FRMD4B: variants seen among roughly 807,000 people sequenced by gnomAD.
The protein encoded by FRMD4B is FERM domain containing 4B, also known as FERM domain-containing protein 4B.
Under a neutral mutation model 141.5 loss-of-function variants are expected in FRMD4B, and 74 were observed. The ratio of observed to expected loss-of-function variants is 0.52; its 90% CI spans 0.43 to 0.63. The LOEUF is 0.63. Among genes scored for constraint, FRMD4B ranks in the 30% least tolerant of loss-of-function variants. The pLI is 0.00. For synonymous variants in FRMD4B, 506 were observed against 467.9 expected (o/e 1.08, Z -1.05); for missense variants, 1,366 against 1,253.4 (o/e 1.09, Z -1.36).
chr3:69,411,986 T>C (rs1704768766), intron 2 of FRMD4B, among the ~76,000 whole-genome samples: 1 of 152,250 alleles, frequency 6.6e-6, no homozygotes, highest in Non-Finnish European at 1.5e-5. Flanking sequence ...AGAAATTGCA[T>C]TTCTTTCTAG....
At chr3:69,228,570 C>T (rs140828076) in intron 7 of FRMD4B, 162 of 427,950 alleles carry the variant, frequency 3.8e-4, no homozygotes, top group African/African-American at 3.0e-3. Context: ...CATGGTGGCT[C>T]ATGCCTATAA....
At chr3:69,387,512 A>G (rs994943752), upstream of FRMD4B, among the ~76,000 whole-genome samples, 3 of 152,112 alleles carry the variant, frequency 2.0e-5, no homozygotes, top group Admixed American at 6.5e-5. Flanking sequence ...CTGTAAGTCA[A>G]TTGTCTGTAT....
intron 2 of FRMD4B, among the ~76,000 whole-genome samples, chr3:69,413,513 T>C (rs1414771541): frequency 1.3e-5 from 2 of 152,210 alleles, no homozygotes; most frequent in Admixed American, 6.5e-5. Context: ...TTTCCCACTA[T>C]AGTGCCTCTC....
Position 69,198,752 on chromosome 3 carries a change from TC to T in FRMD4B, c.898del (p.Glu300ArgfsTer49). The T allele has an allele frequency of 6.5e-7, 1 of 1,546,528 alleles. No individual in the cohort carries two copies. The highest frequency in any genetic ancestry group is 8.8e-7 in the Non-Finnish European group (1 of 1,131,980). On this transcript the variant is annotated frameshift_variant, in exon 12 of 23. Transcript: ENST00000398540. LOFTEE classifies it high-confidence loss of function. ...TTTTTTCTCACGGAAATATAAGTTCTCCAGCTGTTTCCATTGGAATAACTAA... is the reference window on the plus strand; with the variant it reads ...TTTTTTCTCACGGAAATATAAGTTCTCAGCTGTTTCCATTGGAATAACTAA... The part of the protein sequence containing the change: ...PRKLFQWKQL[E>X]NLYFREKKFA...
chr3:69,299,867 G>A (rs78193766), intron 4 of FRMD4B, among the ~76,000 whole-genome samples: 2,361 of 152,190 alleles, frequency 0.016, 67 homozygotes, highest in African/African-American at 0.053. Flanking sequence ...CCATGTTCCA[G>A]TGCATGCAGC....
At chr3:69,172,874 A>AT (rs141066920) in intron 22 of FRMD4B, among the ~76,000 whole-genome samples, 47 of 150,802 alleles carry the variant, frequency 3.1e-4, no homozygotes, top group Non-Finnish European at 4.3e-4. Flanking sequence ...AGTAAAGGTG[A>AT]TTTTTTTTTT....
At chr3:69,503,976 C>T (rs969064434) in intron 1 of FRMD4B, among the ~76,000 whole-genome samples, 2 of 151,920 alleles carry the variant, frequency 1.3e-5, no homozygotes, top group Admixed American at 1.3e-4. Context: ...ATGTTACATG[C>T]GATTATTGTC....
Position 69,464,369 on chromosome 3 carries a change from A to T in FRMD4B, c.-128-31608T>A, listed in dbSNP as rs77486591. 1.0e-2 allele frequency among the ~76,000 whole-genome samples: 1,517 copies of T among 152,280 alleles called. 127 individuals are homozygous for T. In the East Asian group the frequency reaches 0.2, roughly 20 times the overall value. On this transcript the variant is annotated intron_variant, in intron 1 of 5. Transcript: ENST00000459638. ...CTTGGCAAGTGAGTGCAGTAGGATA[A>T]CATAACATTATCAGCGCCCTTACCC...
At chr3:69,248,579 G>A (rs1334646717) in intron 7 of FRMD4B, among the ~76,000 whole-genome samples, 1 of 152,198 alleles carries the variant, frequency 6.6e-6, no homozygotes, top group Non-Finnish European at 1.5e-5. Context: ...GGCTTTCAAA[G>A]GGGTCATTGG....
At chr3:69,477,741 C>G (rs1706028398) in intron 1 of FRMD4B, among the ~76,000 whole-genome samples, 1 of 150,080 alleles carries the variant, frequency 6.7e-6, no homozygotes, top group Non-Finnish European at 1.5e-5. Flanking sequence ...GGAGGATTCC[C>G]TCTTTTTCTG....
At chr3:69,176,874 G>A (rs1424148923) in intron 21 of FRMD4B, among the ~76,000 whole-genome samples, 8 of 152,060 alleles carry the variant, frequency 5.3e-5, no homozygotes, top group African/African-American at 1.9e-4. Context: ...CATCTATAGA[G>A]TAGGGATAAT....
chr3:69,191,449 A>C (rs942268422), intron 17 of FRMD4B, among the ~76,000 whole-genome samples: 1 of 152,088 alleles, frequency 6.6e-6, no homozygotes, highest in African/African-American at 2.4e-5. Context: ...CAAACAAAAA[A>C]ACAAACGTAT....
At chr3:69,224,300 T>C (rs537223831) in intron 8 of FRMD4B, among the ~76,000 whole-genome samples, 25 of 152,338 alleles carry the variant, frequency 1.6e-4, no homozygotes, top group African/African-American at 5.8e-4. Context: ...ACACAGTGAC[T>C]GCACATATAT....
chr3:69,516,227 A>AAAT (rs142240953), intron 1 of FRMD4B, among the ~76,000 whole-genome samples: 4,579 of 152,036 alleles, frequency 0.03, 241 homozygotes, highest in African/African-American at 0.11. Flanking sequence ...CCTATCTCTA[A>AAAT]AATAATAATA....
At chr3:69,339,101 G>A (rs1702649972) in intron 1 of FRMD4B, among the ~76,000 whole-genome samples, 1 of 152,074 alleles carries the variant, frequency 6.6e-6, no homozygotes, top group Non-Finnish European at 1.5e-5. Flanking sequence ...ACTGTAACAT[G>A]TTTGCAAGCC....
intron 1 of FRMD4B, among the ~76,000 whole-genome samples, chr3:69,373,291 G>A (rs1559835710): frequency 6.6e-6 from 1 of 152,212 alleles, no homozygotes; most frequent in Non-Finnish European, 1.5e-5. Flanking sequence ...GAGACTAGGA[G>A]AGTGCTAGAA....
chr3:69,508,008 C>T (rs1216429415), intron 1 of FRMD4B, among the ~76,000 whole-genome samples: 2 of 152,098 alleles, frequency 1.3e-5, no homozygotes, highest in Non-Finnish European at 2.9e-5. Flanking sequence ...CATGGATAAC[C>T]TTTGATTCTT....
chr3:69,486,358 T>G (rs1428482338), intron 1 of FRMD4B, among the ~76,000 whole-genome samples: 1 of 152,208 alleles, frequency 6.6e-6, no homozygotes, highest in African/African-American at 2.4e-5. Flanking sequence ...TGGTCTTTTA[T>G]CCCTCGCCCC....
chr3:69,457,145 GA>G (rs1412650752), intron 1 of FRMD4B, among the ~76,000 whole-genome samples: 2 of 152,032 alleles, frequency 1.3e-5, no homozygotes, highest in Admixed American at 1.3e-4. Context: ...AAGGAACAAA[GA>G]AAAAAGAAAA....
Sources: gnomAD v4.1 joint callset for allele counts (sites outside exome capture counted in the v4.1 genomes callset) on GRCh38, gnomAD v4.1.1 for gene constraint, MANE v1.5 for transcripts, NCBI Gene and HGNC (gene_info 2026-07-23, HGNC 2026-07-21) for gene names.